ZKSCAN5: variants seen among roughly 807,000 people sequenced by gnomAD.
The protein encoded by ZKSCAN5 is zinc finger protein with KRAB and SCAN domains 5.
In ZKSCAN5, 28 loss-of-function variants were observed where a neutral mutation model predicts 60.0. That is an observed-to-expected ratio of 0.47 (90% CI 0.35 to 0.64). The LOEUF (loss-of-function observed/expected upper bound fraction) is 0.64. ZKSCAN5 is among the 30% of genes least tolerant of loss of function. The pLI, the probability that ZKSCAN5 is intolerant of heterozygous loss-of-function variation, is 0.01. For synonymous variants in ZKSCAN5, 361 were observed against 371.2 expected, an observed-to-expected ratio of 0.97 and a Z score of 0.31; for missense variants, 881 against 1,034.6, an observed-to-expected ratio of 0.85 and a Z score of 2.04.
intron 3 of ZKSCAN5, among the ~76,000 whole-genome samples, chr7:99,513,428 C>G (rs1801128544): frequency 6.6e-6 from 1 of 152,142 alleles, no homozygotes; most frequent in Non-Finnish European, 1.5e-5. Flanking sequence ...GAGTCTCACC[C>G]TGTTGCCTGG....
chr7:99,530,732 A>AT (rs1447473540), intron 6 of ZKSCAN5, among the ~76,000 whole-genome samples: 1 of 152,106 alleles, frequency 6.6e-6, no homozygotes, highest in Non-Finnish European at 1.5e-5. Context: ...TCTGATGAAC[A>AT]TTTTTTATGA....
chr7:99,533,787 C>T lies in ZKSCAN5; in HGVS notation c.*1538C>T, dbSNP rs1166889526. 2.5e-5 allele frequency: 10 copies of T among 396,918 alleles called. No individual in the cohort carries two copies. Among genetic ancestry groups the T allele is most frequent in the African/African-American group, 1.6e-4 (8 of 48,620 alleles). 24.6% of individuals were successfully genotyped at this position (396,918 alleles called of 1,614,324 possible). ...CTCTATCCTGTTTCATTCCCTCCCT[C>T]AAAGGCGTTTCCCAAATAAATCACA... is the stretch of plus-strand genomic sequence containing the variant. On this transcript the variant is annotated 3_prime_UTR_variant, in exon 7 of 7. Coordinates refer to ENST00000326775, the MANE Select transcript of ZKSCAN5 (RefSeq NM_145102.4).
In ZKSCAN5 at chr7:99,532,212, C is replaced by G. The variant is rs778676435; in HGVS notation, c.2483C>G (p.Pro828Arg). 3.7e-6 allele frequency: 6 copies of G among 1,605,238 alleles called. No individual in the cohort carries two copies. The Admixed American group carries it at 6.9e-5, about 18-fold the overall frequency. Residue 828 changes from proline to arginine, a missense_variant, in exon 7 of 7, where the codon CCC becomes CGC. This residue lies in a region of ZKSCAN5 where 138 missense variants were observed against 143.8 expected (regional missense o/e 0.96). Transcript: ENST00000326775. ...CTGAGAAGCCATGAGAGGACAGATCCCATAAATACCTTAAGTGTAGAGGGG... is the reference window on the plus strand; with the variant it reads ...CTGAGAAGCCATGAGAGGACAGATCGCATAAATACCTTAAGTGTAGAGGGG... Reference protein sequence around the residue: ...KHLRSHERTDPINTLSVEGSL... With the variant: ...KHLRSHERTDRINTLSVEGSL...
rs1350627849 is a variant in ZKSCAN5 at position 99,526,304 on chromosome 7, A to G, written c.1264A>G (p.Ser422Gly). Residue 422 changes from serine (S) to glycine (G), a missense_variant, in exon 6 of 7, where the codon AGT (serine) becomes GGT (glycine). By Grantham distance (56) the Ser-to-Gly change is moderately conservative. Around this residue, in one of 5 missense-constraint regions of ZKSCAN5, gnomAD observed 490 missense variants for 554.5 expected, o/e 0.88. Coordinates refer to ENST00000326775, the MANE Select transcript of ZKSCAN5 (RefSeq NM_145102.4). ...RVSSHLVQHH[S>G]VHSGERPYGC... Reference sequence around the variant, plus strand: ...GAGTTCCCACCTGGTTCAGCACCACAGTGTCCACAGCGGAGAGAGGCCCTA... The same window carrying G: ...GAGTTCCCACCTGGTTCAGCACCACGGTGTCCACAGCGGAGAGAGGCCCTA... The G allele has an allele frequency of 6.2e-7, 1 of 1,612,368 alleles. No individual in the cohort carries two copies. Among genetic ancestry groups the G allele is most frequent in the South Asian group, 1.1e-5 (1 of 91,088 alleles).
intron 2 of ZKSCAN5, among the ~76,000 whole-genome samples, chr7:99,511,915 G>T (rs999597042): frequency 5.9e-5 from 9 of 151,860 alleles, no homozygotes; most frequent in African/African-American, 1.5e-4. Flanking sequence ...TCAGCCTCCT[G>T]AGTAGCTGGG....
chr7:99,527,140 GGCAACATA>G (rs1301140148), intron 6 of ZKSCAN5, among the ~76,000 whole-genome samples: 2 of 152,164 alleles, frequency 1.3e-5, no homozygotes, highest in East Asian at 3.9e-4. Flanking sequence ...GACCACCCTG[GGCAACATA>G]GCAAGACCTT....
intron 5 of ZKSCAN5, among the ~76,000 whole-genome samples, chr7:99,524,253 T>C (rs1252650301): frequency 6.6e-6 from 1 of 152,066 alleles, no homozygotes; most frequent in East Asian, 1.9e-4. Flanking sequence ...TTCGTATTTT[T>C]AGTAGAGACA....
intron 3 of ZKSCAN5, among the ~76,000 whole-genome samples, chr7:99,517,232 TTTTGTA>T (rs1801304654): frequency 6.6e-6 from 1 of 152,076 alleles, no homozygotes; most frequent in Non-Finnish European, 1.5e-5. Context: ...ACTCAGCTAA[TTTTGTA>T]TTTTTAGTAG....
chr7:99,528,004 C>T (rs538651151), intron 6 of ZKSCAN5, among the ~76,000 whole-genome samples: 1 of 151,918 alleles, frequency 6.6e-6, no homozygotes, highest in Admixed American at 6.6e-5. Context: ...TTTTAAACAT[C>T]TGTTCAAATG....
At chr7:99,523,163 CAAAAAAAA>C (rs35854468) in intron 5 of ZKSCAN5, among the ~76,000 whole-genome samples, 3 of 48,954 alleles carry the variant, frequency 6.1e-5, no homozygotes, top group South Asian at 8.7e-4. Context: ...GACCCTATCT[CAAAAAAAA>C]AAAAAAAAAA....
chr7:99,520,515 C>T (rs933705822), intron 5 of ZKSCAN5, among the ~76,000 whole-genome samples: 4 of 151,400 alleles, frequency 2.6e-5, no homozygotes, highest in Middle Eastern at 6.8e-3. Context: ...TATGATTAAA[C>T]ACTGATAGTA....
chr7:99,510,012 A>C (rs1002381715), intron 2 of ZKSCAN5, among the ~76,000 whole-genome samples: 6 of 146,346 alleles, frequency 4.1e-5, no homozygotes, highest in Non-Finnish European at 7.6e-5. Flanking sequence ...TGGCACAATC[A>C]TAGCTCACTG....
chr7:99,507,914 G>A (rs1800839794), intron 2 of ZKSCAN5, among the ~76,000 whole-genome samples: 1 of 151,778 alleles, frequency 6.6e-6, no homozygotes, highest in Non-Finnish European at 1.5e-5. Context: ...TCAAAAAAAA[G>A]TAAAAAGTTA....
intron 3 of ZKSCAN5, among the ~76,000 whole-genome samples, chr7:99,512,802 T>TC (rs1188594124): frequency 6.6e-6 from 1 of 151,694 alleles, no homozygotes; most frequent in Non-Finnish European, 1.5e-5. Flanking sequence ...TACACCAGCT[T>TC]CTTTTTTTTT....
At chr7:99,529,774 T>C (rs1311150771) in intron 6 of ZKSCAN5, among the ~76,000 whole-genome samples, 1 of 152,022 alleles carries the variant, frequency 6.6e-6, no homozygotes, top group Non-Finnish European at 1.5e-5. Context: ...CTCGCTGTGT[T>C]GCCCAGGCTG....
At chr7:99,508,986 T>G (rs1414973774) in intron 2 of ZKSCAN5, among the ~76,000 whole-genome samples, 1 of 151,848 alleles carries the variant, frequency 6.6e-6, no homozygotes, top group African/African-American at 2.4e-5. Flanking sequence ...ATTTTTTTAG[T>G]TTTTTTATTT....
Position 99,532,754 on chromosome 7 carries a change from A to C in ZKSCAN5, c.*505A>C, listed in dbSNP as rs1260754374. The C allele has an allele frequency of 1.3e-5, 2 of 156,016 alleles. No homozygotes were observed. The highest frequency in any genetic ancestry group is 2.8e-5 in the Non-Finnish European group (2 of 70,466). The allele number at this position is 156,016 out of a possible 1,614,324, so 9.7% of individuals were successfully genotyped here. ...TTCCAACCACTAGAATACCCTAGTCACTATTCCCACTTTGAGCATTAACCC... is the reference window on the plus strand; with the variant it reads ...TTCCAACCACTAGAATACCCTAGTCCCTATTCCCACTTTGAGCATTAACCC... On this transcript the variant is annotated 3_prime_UTR_variant, in exon 7 of 7. Coordinates refer to ENST00000326775, the MANE Select transcript of ZKSCAN5 (RefSeq NM_145102.4).
chr7:99,528,373 T>C (rs909277031), intron 6 of ZKSCAN5, among the ~76,000 whole-genome samples: 1 of 152,204 alleles, frequency 6.6e-6, no homozygotes, highest in South Asian at 2.1e-4. Context: ...ATTGTTTCTA[T>C]GGCTAGTTTC....
In ZKSCAN5 at chr7:99,534,191, C is replaced by CAG. The variant is rs1802163081; in HGVS notation, c.*1945_*1946dup. The CAG allele has an allele frequency of 6.6e-6, 1 of 152,182 alleles. No homozygotes were observed. The highest frequency in any genetic ancestry group is 1.5e-5 in the Non-Finnish European group (1 of 68,064). The allele number at this position is 152,182 out of a possible 1,614,324, so 9.4% of individuals were successfully genotyped here. ...CACCAATTTAATGCCAAGTGTGTGTCAGAGGACCTTCTTGGTAGCTTTTTA... is the reference window on the plus strand; with the variant it reads ...CACCAATTTAATGCCAAGTGTGTGTCAGAGAGGACCTTCTTGGTAGCTTTTTA... On this transcript the variant is annotated 3_prime_UTR_variant, in exon 7 of 7. Coordinates refer to ENST00000326775, the MANE Select transcript of ZKSCAN5 (RefSeq NM_145102.4).
Sources: allele counts gnomAD v4.1 joint callset (sites outside exome capture counted in the v4.1 genomes callset), GRCh38; gene constraint gnomAD v4.1.1; regional missense constraint gnomAD v4.1.1; transcripts MANE v1.5; gene names NCBI Gene and HGNC (gene_info 2026-07-23, HGNC 2026-07-21).